Variants in NME2 observed in about 807,000 individuals in gnomAD.
The protein encoded by NME2 is NME/NM23 nucleoside diphosphate kinase 2.
Under a neutral mutation model 17.8 loss-of-function variants are expected in NME2, and 18 were observed. The observed-to-expected ratio is 1.01, with a 90% CI of 0.70 to 1.50. The LOEUF is 1.50. Ranked by LOEUF, NME2 falls within the 40% of genes most tolerant of loss-of-function variation. The probability of loss-of-function intolerance (pLI) is 0.00; values close to 1 mark genes in which losing one functional copy is unlikely to be tolerated. For missense variants in NME2, 161 were observed against 195.6 expected (o/e 0.82, Z 1.05); for synonymous variants, 74 against 71.4 (o/e 1.04, Z -0.19).
Position 51,171,598 on chromosome 17 carries a change from T to C in NME2, c.453T>C (p.Tyr151=). Residue 151 remains tyrosine, a synonymous_variant, in exon 5 of 5, where the codon TAT becomes TAC. Transcript: ENST00000512737. Reference sequence around the variant, plus strand: ...AGTCTTGTGCTCATGACTGGGTCTATGAATAAGAGGTGGACACAACAGCAG... The same window carrying C: ...AGTCTTGTGCTCATGACTGGGTCTACGAATAAGAGGTGGACACAACAGCAG... ...DYKSCAHDWV[Y]E The C allele has an allele frequency of 6.2e-7, 1 of 1,612,812 alleles. No individual in the cohort carries two copies. Among genetic ancestry groups the C allele is most frequent in the Non-Finnish European group, 8.5e-7 (1 of 1,178,862 alleles).
In NME2 at chr17:51,169,936, G is replaced by T. The variant is rs764372486; in HGVS notation, c.229-1G>T. 1.6e-5 allele frequency: 26 copies of T among 1,613,364 alleles called. No homozygotes were observed. In the South Asian group the frequency reaches 2.7e-4, roughly 17 times the overall value. The stretch of plus-strand genomic sequence containing the variant: ...TATAAATCCATTTTCACACTTTCGA[G>T]GTCTGGGAGGGGCTGAACGTGGTGA... On this transcript the variant is annotated splice_acceptor_variant, in intron 3 of 4. Coordinates refer to ENST00000512737, the MANE Select transcript of NME2 (RefSeq NM_002512.4). LOFTEE classifies it high-confidence loss of function.
At chr17:51,171,171 G>C (rs546648318) in intron 4 of NME2, among the ~76,000 whole-genome samples, 114 of 152,312 alleles carry the variant, frequency 7.5e-4, no homozygotes, top group Non-Finnish European at 1.3e-3. Context: ...TCTGCAGTGG[G>C]TTTGAGTATC....
At chr17:51,171,387 A>T in intron 4 of NME2, 100 bp from the exon 5 acceptor site, 1 of 954,550 alleles carries the variant, frequency 1.0e-6, no homozygotes, top group Non-Finnish European at 1.6e-6. Flanking sequence ...TTCAAGTGGC[A>T]ATTTGGCTGA....
In NME2 at chr17:51,166,932, C is replaced by T. The variant is rs2049954163; in HGVS notation, c.102C>T (p.Arg34=). Reference sequence around the variant, plus strand: ...AGCGCTTCGAGCAGAAGGGATTCCGCCTCGTGGCCATGAAGTTCCTCCGGG... The same window carrying T: ...AGCGCTTCGAGCAGAAGGGATTCCGTCTCGTGGCCATGAAGTTCCTCCGGG... ...IIKRFEQKGF[R]LVAMKFLRAS... is the part of the protein sequence containing the mutation. The change falls in exon 2 of 5, where the codon CGC becomes CGT. Residue 34 remains arginine (R), a synonymous_variant. Coordinates refer to ENST00000512737, the MANE Select transcript of NME2 (RefSeq NM_002512.4). The T allele has an allele frequency of 1.9e-6, 3 of 1,613,730 alleles. No homozygotes were observed. The highest frequency in any genetic ancestry group is 2.5e-6 in the Non-Finnish European group (3 of 1,179,868).
chr17:51,166,981 C>T (rs942228753), intron 2 of NME2, 25 bp downstream of exon 2: 2 of 1,610,312 alleles, frequency 1.2e-6, no homozygotes, highest in Non-Finnish European at 1.7e-6. Context: ...TCTCCCCTTC[C>T]CCGCTGCAGC....
chr17:51,170,599 A>C (rs1248905981), intron 4 of NME2, among the ~76,000 whole-genome samples: 1 of 151,564 alleles, frequency 6.6e-6, no homozygotes, highest in African/African-American at 2.4e-5. Context: ...ACCAGCCTGG[A>C]GCCTGGCCAA....
chr17:51,167,838 A>G (rs978876135), intron 2 of NME2, among the ~76,000 whole-genome samples: 3 of 152,070 alleles, frequency 2.0e-5, no homozygotes, highest in African/African-American at 7.2e-5. Flanking sequence ...AAATAAATAA[A>G]AATTAATTGG....
chr17:51,168,211 C>G (rs2049987743), intron 2 of NME2, 31 bp from the exon 3 acceptor site: 1 of 1,610,376 alleles, frequency 6.2e-7, no homozygotes, highest in African/African-American at 1.3e-5. Context: ...TCCAGCTTAG[C>G]TCCTAACTGG....
chr17:51,168,079 ATATT>A, intron 2 of NME2, 159 bp from the exon 3 acceptor site: 2 of 455,800 alleles, frequency 4.4e-6, no homozygotes, highest in Non-Finnish European at 7.8e-6. Context: ...GATTTAAAAA[ATATT>A]TATGTGTGTG....
intron 4 of NME2, 68 bp from the exon 5 acceptor site, chr17:51,171,419 T>G (rs766083734): frequency 7.2e-7 from 1 of 1,395,922 alleles, no homozygotes; most frequent in Admixed American, 1.7e-5. Flanking sequence ...GTGCTGTCCA[T>G]TGCGGTACCC....
At chr17:51,168,107 A>G in intron 2 of NME2, 135 bp from the exon 3 acceptor site, 2 of 620,802 alleles carry the variant, frequency 3.2e-6, no homozygotes, top group Non-Finnish European at 5.7e-6. Context: ...ATGTGTGTAT[A>G]TATATATATA....
intron 2 of NME2, 167 bp downstream of exon 2, chr17:51,167,123 G>C: frequency 7.0e-7 from 1 of 1,436,924 alleles, no homozygotes; most frequent in Non-Finnish European, 9.3e-7. Context: ...CCCTTTCCCG[G>C]GGTGGTGGGG....
intron 3 of NME2, among the ~76,000 whole-genome samples, chr17:51,168,895 G>A (rs997438254): frequency 1.3e-5 from 2 of 151,552 alleles, no homozygotes; most frequent in East Asian, 1.9e-4. Flanking sequence ...CTTGGGAGGC[G>A]GAGGTTGCAG....
At chr17:51,168,657 C>T (rs936243520) in intron 3 of NME2, among the ~76,000 whole-genome samples, 2 of 128,678 alleles carry the variant, frequency 1.6e-5, no homozygotes, top group South Asian at 2.5e-4. Context: ...GGCAACAGAG[C>T]GAGACTCTGT....
intron 2 of NME2, chr17:51,167,262 CAG>C: frequency 2.3e-6 from 1 of 428,286 alleles, no homozygotes; most frequent in Non-Finnish European, 4.2e-6. Context: ...CCCCGGGCCC[CAG>C]ACCCCCTGCG....
chr17:51,168,837 G>A (rs2050005049), intron 3 of NME2, among the ~76,000 whole-genome samples: 1 of 150,672 alleles, frequency 6.6e-6, no homozygotes, highest in South Asian at 2.1e-4. Flanking sequence ...CTGAGGCCAG[G>A]AGTTAATCCC....
intron 2 of NME2, chr17:51,167,163 G>T: frequency 8.8e-7 from 1 of 1,140,276 alleles, no homozygotes; most frequent in Non-Finnish European, 1.2e-6. Flanking sequence ...TGAAGCGCTG[G>T]TAGCGTGACT....
intron 4 of NME2, 59 bp downstream of exon 4, chr17:51,170,108 C>T (rs2050037483): frequency 2.6e-6 from 3 of 1,163,332 alleles, no homozygotes; most frequent in Non-Finnish European, 2.4e-6. Flanking sequence ...AAGCAGACGT[C>T]ATGGCGTATC....
At chr17:51,168,545 G>T (rs2049996433) in intron 3 of NME2, among the ~76,000 whole-genome samples, 1 of 152,086 alleles carries the variant, frequency 6.6e-6, no homozygotes. Context: ...GTGGTGCACG[G>T]CTGTAATCTC....
Sources: gnomAD v4.1 joint callset for allele counts (sites outside exome capture counted in the v4.1 genomes callset) on GRCh38, gnomAD v4.1.1 for gene constraint, MANE v1.5 for transcripts, NCBI Gene and HGNC (gene_info 2026-07-23, HGNC 2026-07-21) for gene names.